PIP4P2: variants seen among roughly 807,000 people sequenced by gnomAD.
PIP4P2 encodes the protein phosphatidylinositol-4,5-bisphosphate 4-phosphatase 2.
Under a neutral mutation model 33.3 loss-of-function variants are expected in PIP4P2, and 19 were observed. The observed-to-expected ratio is 0.57, with a 90% CI of 0.40 to 0.84. The LOEUF (loss-of-function observed/expected upper bound fraction) is 0.84, where lower values mean the gene tolerates loss of function less well. PIP4P2 is among the 40% of genes least tolerant of loss of function. The pLI is 0.00. For missense variants in PIP4P2, 270 were observed against 324.7 expected, an observed-to-expected ratio of 0.83 and a Z score of 1.29; for synonymous variants, 110 against 111.9, an observed-to-expected ratio of 0.98 and a Z score of 0.11.
In PIP4P2 at chr8:90,996,414, T is replaced by A. The variant is rs186584892; in HGVS notation, c.630+240A>T. ...GGCTTTTGCTAAATAGATGATAAAA[T>A]CCCCAACAGTAAGGACTTTTGGAGG... On this transcript the variant is annotated intron_variant, in intron 6 of 6. Transcript: ENST00000285419. Among the ~76,000 whole-genome samples the A allele has an allele frequency of 1.8e-3, 280 of 152,092 alleles. 2 individuals are homozygous for A. Among genetic ancestry groups the A allele is most frequent in the African/African-American group, 6.2e-3 (257 of 41,494 alleles).
chr8:91,005,061 T>A (rs1331063660), intron 5 of PIP4P2, among the ~76,000 whole-genome samples: 3 of 152,206 alleles, frequency 2.0e-5, no homozygotes, highest in Non-Finnish European at 2.9e-5. Flanking sequence ...TGATCCAAGA[T>A]TGCTGCTTTG....
chr8:91,011,342 T>G (rs1167512330), intron 4 of PIP4P2, among the ~76,000 whole-genome samples: 1 of 152,042 alleles, frequency 6.6e-6, no homozygotes, highest in Non-Finnish European at 1.5e-5. Flanking sequence ...AGAAATGTAA[T>G]AGTAAACTCT....
At chr8:91,003,786 CA>C (rs1396655228) in intron 5 of PIP4P2, among the ~76,000 whole-genome samples, 1 of 151,826 alleles carries the variant, frequency 6.6e-6, no homozygotes, top group Non-Finnish European at 1.5e-5. Context: ...TGGAAAATAG[CA>C]AAATTTAACA....
At chr8:91,007,050 T>C (rs539136532) in intron 5 of PIP4P2, among the ~76,000 whole-genome samples, 1 of 152,344 alleles carries the variant, frequency 6.6e-6, no homozygotes, top group South Asian at 2.1e-4. Flanking sequence ...TATTTGCAAT[T>C]TAATTTTGTA....
chr8:91,014,448 T>C (rs1365779960), intron 4 of PIP4P2, among the ~76,000 whole-genome samples: 1 of 152,146 alleles, frequency 6.6e-6, no homozygotes, highest in East Asian at 1.9e-4. Context: ...TGTAACAACA[T>C]GTATTAACCT....
chr8:91,031,380 T>C (rs1812162421), intron 1 of PIP4P2, among the ~76,000 whole-genome samples: 1 of 152,234 alleles, frequency 6.6e-6, no homozygotes, highest in South Asian at 2.1e-4. Context: ...TCTATATTGT[T>C]TCTCCTCTGG....
intron 5 of PIP4P2, among the ~76,000 whole-genome samples, chr8:91,005,663 T>C (rs1309276236): frequency 1.3e-5 from 2 of 152,220 alleles, no homozygotes; most frequent in Non-Finnish European, 2.9e-5. Flanking sequence ...TAACACTAGA[T>C]GGCAAAATAA....
intron 5 of PIP4P2, among the ~76,000 whole-genome samples, chr8:91,004,682 T>C (rs1811744801): frequency 6.6e-6 from 1 of 152,116 alleles, no homozygotes; most frequent in African/African-American, 2.4e-5. Context: ...CAAATGAAGG[T>C]ATAAGCCTTG....
intron 1 of PIP4P2, among the ~76,000 whole-genome samples, chr8:91,029,299 A>G (rs76041786): frequency 2.7e-4 from 40 of 146,938 alleles, no homozygotes; most frequent in African/African-American, 8.4e-4. Flanking sequence ...TCAAAAAAAG[A>G]AAAAAAAAAA....
intron 4 of PIP4P2, among the ~76,000 whole-genome samples, chr8:91,017,226 C>A (rs780703124): frequency 6.6e-6 from 1 of 151,924 alleles, no homozygotes; most frequent in African/African-American, 2.4e-5. Flanking sequence ...TTATGTAACC[C>A]CATCTGTACT....
chr8:90,997,759 C>T lies in PIP4P2; in HGVS notation c.540-1015G>A, dbSNP rs147954481. On this transcript the variant is annotated intron_variant, in intron 5 of 6. Coordinates refer to ENST00000285419, the MANE Select transcript of PIP4P2 (RefSeq NM_018710.3). Reference sequence around the variant, plus strand: ...TGGCCAGTGTCAAGATTATGCCTAACACATAATAACCTCTCAAAGAATGTC... The same window carrying T: ...TGGCCAGTGTCAAGATTATGCCTAATACATAATAACCTCTCAAAGAATGTC... Among the ~76,000 whole-genome samples the T allele has an allele frequency of 4.2e-3, 632 of 152,140 alleles. 5 individuals are homozygous for T. Among genetic ancestry groups the T allele is most frequent in the African/African-American group, 0.014 (578 of 41,528 alleles).
intron 4 of PIP4P2, among the ~76,000 whole-genome samples, chr8:91,015,041 A>G (rs557350707): frequency 6.6e-6 from 1 of 152,302 alleles, no homozygotes; most frequent in South Asian, 2.1e-4. Flanking sequence ...ATTGGACTAT[A>G]GAGCTTGTGG....
At chr8:91,008,829 A>T (rs1463340232) in intron 4 of PIP4P2, 34 bp from the exon 5 acceptor site, 8 of 1,527,164 alleles carry the variant, frequency 5.2e-6, no homozygotes, top group African/African-American at 1.4e-5. Flanking sequence ...ATTGAAAAGA[A>T]AACAACTGAA....
Position 90,995,698 on chromosome 8 carries a change from A to C in PIP4P2, c.753T>G (p.Tyr251Ter), listed in dbSNP as rs1811619463. The change falls in exon 7 of 7, where the codon TAT becomes TAG. Residue 251 changes from tyrosine to a stop codon, truncating the protein, a stop_gained. Coordinates refer to ENST00000285419, the MANE Select transcript of PIP4P2 (RefSeq NM_018710.3). LOFTEE classifies it high-confidence loss of function. ...AAGCTTATGCAAAACTGTGTTCTGG[A>C]TAACTGACTCTTATGGCTCCCCAAT... is the stretch of plus-strand genomic sequence containing the variant. ...ACYWGAIRVS[Y>*]PEHSFA 20 of 1,612,728 alleles carry C rather than the reference A, an allele frequency of 1.2e-5. No homozygotes were observed. The highest frequency in any genetic ancestry group is 1.7e-5 in the Non-Finnish European group (20 of 1,179,394).
rs76420934 is a variant in PIP4P2 at position 91,010,270 on chromosome 8, T to C, written c.487-1475A>G. On this transcript the variant is annotated intron_variant, in intron 4 of 6. Transcript: ENST00000285419. Reference sequence around the variant, plus strand: ...ACTGAACTTGTAATGTCATTTCAAATGTTATTTATAAATAAAAAATTTAAG... The same window carrying C: ...ACTGAACTTGTAATGTCATTTCAAACGTTATTTATAAATAAAAAATTTAAG... Among the ~76,000 whole-genome samples, 260 of 152,020 alleles carry C rather than the reference T, an allele frequency of 1.7e-3. 1 individual carries two copies. The highest frequency in any genetic ancestry group is 6.1e-3 in the African/African-American group (253 of 41,552).
At chr8:91,026,493 C>G (rs1001240968) in intron 1 of PIP4P2, among the ~76,000 whole-genome samples, 1 of 152,162 alleles carries the variant, frequency 6.6e-6, no homozygotes, top group East Asian at 1.9e-4. Context: ...GACCCCTCCT[C>G]TAAGTTACTA....
Position 90,996,740 on chromosome 8 carries a change from A to G in PIP4P2, c.544T>C (p.Ser182Pro). 6.2e-7 allele frequency: 1 copy of G among 1,600,954 alleles called. No individual in the cohort carries two copies. The highest frequency in any genetic ancestry group is 1.7e-5 in the Admixed American group (1 of 57,768). Reference protein sequence around the residue: ...AKCPHCKKISSVGSALPRRRC... With the variant: ...AKCPHCKKISPVGSALPRRRC... ...CTTCGTGGAAGTGCACTACCCACTG[A>G]GGAGCTGCAAATTCATGAAAGCAAA... Residue 182 changes from serine to proline, a missense_variant, in exon 6 of 7, where the codon TCA becomes CCA. Coordinates refer to ENST00000285419, the MANE Select transcript of PIP4P2 (RefSeq NM_018710.3).
intron 3 of PIP4P2, among the ~76,000 whole-genome samples, chr8:91,019,402 A>T (rs1391412913): frequency 9.0e-5 from 12 of 133,114 alleles, no homozygotes; most frequent in Admixed American, 3.0e-4. Flanking sequence ...CTACAAAAAA[A>T]AAAAAAAAAA....
chr8:91,008,811 A>G lies in PIP4P2; in HGVS notation c.487-16T>C, dbSNP rs937870396. The G allele has an allele frequency of 1.7e-5, 27 of 1,584,978 alleles. No homozygotes were observed. The highest frequency in any genetic ancestry group is 2.1e-5 in the Non-Finnish European group (24 of 1,159,700). On this transcript the variant is annotated splice_polypyrimidine_tract_variant and intron_variant, in intron 4 of 6. Coordinates refer to ENST00000285419, the MANE Select transcript of PIP4P2 (RefSeq NM_018710.3). ...GTTCCATCCACTGTAAAATAAACAAAGAGAGGAATTGAAAAGAAAACAACT... is the reference window on the plus strand; with the variant it reads ...GTTCCATCCACTGTAAAATAAACAAGGAGAGGAATTGAAAAGAAAACAACT...
Sources: gnomAD v4.1 joint callset for allele counts (sites outside exome capture counted in the v4.1 genomes callset) on GRCh38, gnomAD v4.1.1 for gene constraint, MANE v1.5 for transcripts, NCBI Gene and HGNC (gene_info 2026-07-23, HGNC 2026-07-21) for gene names.